Variants in GPC5 observed in about 807,000 individuals in gnomAD.
The protein encoded by GPC5 is glypican-5.
In GPC5, 47 loss-of-function variants were observed where a neutral mutation model predicts 53.9. The ratio of observed to expected loss-of-function variants is 0.87; its 90% CI spans 0.69 to 1.11. The LOEUF (loss-of-function observed/expected upper bound fraction) is 1.11. GPC5 is among the 50% of genes most tolerant of loss of function. The pLI, the probability that GPC5 is intolerant of heterozygous loss-of-function variation, is 0.00. For missense variants in GPC5, 748 were observed against 713.1 expected, an observed-to-expected ratio of 1.05 and a Z score of -0.56; for synonymous variants, 286 against 263.3, an observed-to-expected ratio of 1.09 and a Z score of -0.84.
chr13:91,464,139 A>G (rs1056425537), intron 2 of GPC5, among the ~76,000 whole-genome samples: 5 of 152,142 alleles, frequency 3.3e-5, no homozygotes, highest in African/African-American at 1.2e-4. Flanking sequence ...GATATGCAAC[A>G]TCTAGCTTTC....
rs1566455788 is a variant in GPC5, at chr13:92,146,659, C to T, written c.1561+1670C>T. Among the ~76,000 whole-genome samples the T allele has an allele frequency of 2.6e-5, 4 of 152,154 alleles. 1 individual carries two copies. The South Asian group carries it at 8.3e-4, about 32-fold the overall frequency. On this transcript the variant is annotated intron_variant, in intron 7 of 7. Transcript: ENST00000377067. ...AATTTGTAGTCTTTTTTCTGTCACC[C>T]TCCTCCCACTGTTTCCCCCAATCCC...
intron 5 of GPC5, among the ~76,000 whole-genome samples, chr13:91,785,780 C>T (rs986226847): frequency 6.6e-6 from 1 of 152,216 alleles, no homozygotes; most frequent in African/African-American, 2.4e-5. Context: ...CCCATCTGCA[C>T]AGATCTTCTA....
intron 7 of GPC5, among the ~76,000 whole-genome samples, chr13:92,522,669 G>A (rs419411): frequency 0.84 from 127,894 of 152,068 alleles, 54,392 homozygotes; most frequent in African/African-American, 0.96. Flanking sequence ...CCTAATGTAA[G>A]TGATGAGTTA....
intron 6 of GPC5, among the ~76,000 whole-genome samples, chr13:91,972,788 A>G (rs1218520371): frequency 0.023 from 3,499 of 152,090 alleles, 131 homozygotes; most frequent in African/African-American, 0.08. Context: ...AATGTTGAAT[A>G]TTGGCCCCCA....
rs184559408 is a variant in GPC5 at position 91,407,193 on chromosome 13, G to A, written c.163+7984G>A. ...TATAGAGAGTGAAGTTCCTTAAAAT[G>A]TATGTGGGCTCATTTGTGTTGAATG... On this transcript the variant is annotated intron_variant, in intron 1 of 7. Transcript: ENST00000377067. Among the ~76,000 whole-genome samples the A allele has an allele frequency of 3.7e-3, 570 of 152,304 alleles. 8 individuals carry two copies. Among genetic ancestry groups the A allele is most frequent in the African/African-American group, 0.013 (537 of 41,564 alleles).
chr13:92,413,038 C>A (rs1319553269), intron 7 of GPC5, among the ~76,000 whole-genome samples: 2 of 152,154 alleles, frequency 1.3e-5, no homozygotes, highest in Non-Finnish European at 2.9e-5. Flanking sequence ...TGTGCCAAAT[C>A]CTTTGGCTAC....
At chr13:92,332,225 C>A (rs1408702984) in intron 7 of GPC5, among the ~76,000 whole-genome samples, 1 of 152,054 alleles carries the variant, frequency 6.6e-6, no homozygotes, top group Admixed American at 6.6e-5. Flanking sequence ...CTAGGTTAGG[C>A]AGGATATATT....
intron 7 of GPC5, among the ~76,000 whole-genome samples, chr13:92,308,743 C>G (rs560652939): frequency 5.9e-5 from 9 of 152,144 alleles, no homozygotes; most frequent in Non-Finnish European, 8.8e-5. Context: ...AAGAGAGACT[C>G]GATAGGAGCT....
intron 7 of GPC5, among the ~76,000 whole-genome samples, chr13:92,375,496 A>G (rs1051720669): frequency 6.6e-6 from 1 of 152,196 alleles, no homozygotes; most frequent in African/African-American, 2.4e-5. Context: ...TGGAGAATAG[A>G]AGCTGGATAA....
At chr13:92,545,456 A>G (rs761019398) in intron 7 of GPC5, among the ~76,000 whole-genome samples, 2,616 of 152,216 alleles carry the variant, frequency 0.017, 28 homozygotes, top group Admixed American at 0.026. Flanking sequence ...GGCTGGGTCA[A>G]ATGGTATTTC....
intron 1 of GPC5, among the ~76,000 whole-genome samples, chr13:91,428,574 C>T (rs552273585): frequency 6.9e-4 from 105 of 152,278 alleles, no homozygotes; most frequent in African/African-American, 2.5e-3. Context: ...GGTGTTTAGG[C>T]TCCAGGCTGT....
intron 7 of GPC5, among the ~76,000 whole-genome samples, chr13:92,628,520 G>A (rs762829814): frequency 1.1e-4 from 17 of 151,970 alleles, no homozygotes; most frequent in Non-Finnish European, 1.8e-4. Context: ...TCCATGCTCA[G>A]CCCTAGCTCT....
At chr13:92,329,115 T>C (rs947956626) in intron 7 of GPC5, among the ~76,000 whole-genome samples, 2 of 152,126 alleles carry the variant, frequency 1.3e-5, no homozygotes, top group African/African-American at 4.8e-5. Context: ...GCAGTTATAG[T>C]CATCCTTCTT....
At chr13:92,266,119 T>C (rs944632012) in intron 7 of GPC5, among the ~76,000 whole-genome samples, 4 of 152,204 alleles carry the variant, frequency 2.6e-5, no homozygotes, top group African/African-American at 9.6e-5. Context: ...CACTGTTACA[T>C]TGGGGATTAA....
chr13:92,102,134 G>A (rs1594763610), intron 6 of GPC5, among the ~76,000 whole-genome samples: 2 of 152,070 alleles, frequency 1.3e-5, no homozygotes, highest in Admixed American at 6.6e-5. Context: ...CAGTATAATT[G>A]AAGGACATGG....
At chr13:92,802,361 C>A (rs1474903014) in intron 7 of GPC5, among the ~76,000 whole-genome samples, 1 of 151,802 alleles carries the variant, frequency 6.6e-6, no homozygotes, top group African/African-American at 2.4e-5. Flanking sequence ...AACCTATTCC[C>A]ACCACTAAGC....
intron 6 of GPC5, among the ~76,000 whole-genome samples, chr13:92,139,837 T>C (rs868663025): frequency 9.9e-5 from 15 of 152,088 alleles, no homozygotes; most frequent in South Asian, 2.1e-4. Flanking sequence ...CCATTAGATA[T>C]AGAGGGCATT....
chr13:92,190,515 T>C (rs2042215901), intron 7 of GPC5, among the ~76,000 whole-genome samples: 3 of 152,142 alleles, frequency 2.0e-5, no homozygotes, highest in Admixed American at 2.0e-4. Flanking sequence ...TACTTATGCA[T>C]TATATATGCA....
At chr13:92,527,137 AAAGAAAGAAAG>A (rs1881326829) in intron 7 of GPC5, among the ~76,000 whole-genome samples, 1 of 127,124 alleles carries the variant, frequency 7.9e-6, no homozygotes, top group African/African-American at 2.9e-5. Flanking sequence ...AGAAAGAAAG[AAAGAAAGAAAG>A]AAAGAAAGAA....
Sources: allele counts gnomAD v4.1 joint callset (sites outside exome capture counted in the v4.1 genomes callset), GRCh38; gene constraint gnomAD v4.1.1; transcripts MANE v1.5; gene names NCBI Gene and HGNC (gene_info 2026-07-23, HGNC 2026-07-21).